The following RBFOX1 variants were observed in gnomAD, a reference collection of about 807,000 sequenced individuals.
RBFOX1 encodes RNA binding fox-1 homolog 1.
A neutral mutation model predicts 57.7 loss-of-function variants in RBFOX1; 8 were observed. The observed-to-expected ratio is 0.14, with a 90% CI of 0.08 to 0.25. RBFOX1 has a LOEUF of 0.25. Among genes scored for constraint, RBFOX1 ranks in the 10% least tolerant of loss-of-function variants. The probability of loss-of-function intolerance (pLI) is 1.00; values close to 1 mark genes in which losing one functional copy is unlikely to be tolerated. For synonymous variants in RBFOX1, 326 were observed against 222.4 expected (o/e 1.47, Z -4.15); for missense variants, 611 against 548.5 (o/e 1.11, Z -1.14).
chr16:5,455,841 A>G (rs946891956), intron 1 of RBFOX1, among the ~76,000 whole-genome samples: 9 of 152,164 alleles, frequency 5.9e-5, no homozygotes, highest in Non-Finnish European at 8.8e-5. Flanking sequence ...AAATTCTTGA[A>G]ATAAAGGTGA....
chr16:6,637,421 A>ACAAATATAATATAT lies in RBFOX1; in HGVS notation c.-63-17182_-63-17181insCAAATATAATATAT, dbSNP rs1263831992. ...ATTAAATATATATATTATATAATAT[A>ACAAATATAATATAT]TAAATATATTATATAAATATATGTA... On this transcript the variant is annotated intron_variant, in intron 2 of 15. Coordinates refer to ENST00000550418, the MANE Select transcript of RBFOX1 (RefSeq NM_018723.4). Among the ~76,000 whole-genome samples the ACAAATATAATATAT allele has an allele frequency of 1.7e-4, 2 of 11,602 alleles. 1 individual carries two copies. The highest frequency in any genetic ancestry group is 2.5e-4 in the African/African-American group (2 of 8,094). The allele number at this position is 11,602 out of a possible 152,430, so 7.6% of individuals were successfully genotyped here.
At chr16:7,648,454 A>C (rs2144264079) in intron 11 of RBFOX1, among the ~76,000 whole-genome samples, 1 of 152,208 alleles carries the variant, frequency 6.6e-6, no homozygotes. Context: ...TGATCTCTTG[A>C]CCTTGTGATC....
chr16:5,901,649 T>A (rs1441870580), intron 4 of RBFOX1, among the ~76,000 whole-genome samples: 1 of 151,992 alleles, frequency 6.6e-6, no homozygotes. Flanking sequence ...TATTGGAGAG[T>A]AAGGATATAG....
intron 4 of RBFOX1, among the ~76,000 whole-genome samples, chr16:7,348,325 T>G (rs749951320): frequency 2.0e-5 from 3 of 152,232 alleles, no homozygotes; most frequent in Non-Finnish European, 4.4e-5. Flanking sequence ...TCTCATCGTA[T>G]TCACAAAGAT....
chr16:5,665,230 C>T (rs930741046), intron 3 of RBFOX1, among the ~76,000 whole-genome samples: 2 of 151,924 alleles, frequency 1.3e-5, no homozygotes, highest in African/African-American at 4.8e-5. Context: ...GGACTACAGG[C>T]AGGAGCCACT....
Position 6,512,275 on chromosome 16 carries a change from C to A in RBFOX1, c.-63-142328C>A, listed in dbSNP as rs185923838. Among the ~76,000 whole-genome samples, 233 of 46,554 alleles carry A rather than the reference C, an allele frequency of 5.0e-3. 1 individual carries two copies. Among genetic ancestry groups the A allele is most frequent in the African/African-American group, 0.017 (209 of 12,462 alleles). The allele number at this position is 46,554 out of a possible 152,430, so 30.5% of individuals were successfully genotyped here. On this transcript the variant is annotated intron_variant, in intron 2 of 15. Coordinates refer to ENST00000550418, the MANE Select transcript of RBFOX1 (RefSeq NM_018723.4). ...TTCCAGCCTGGGTAACAGAGCAAGA[C>A]CCTGTATCAAAAAAAAAAAAAAAAG...
rs543676904 is a variant in RBFOX1, at chr16:5,970,073, T to A, written c.351+102738T>A. ...CACTCTACACATTGCTGCCACTGCCTCTTGGTCACGATGGGTGTCTCCTTT... is the reference window on the plus strand; with the variant it reads ...CACTCTACACATTGCTGCCACTGCCACTTGGTCACGATGGGTGTCTCCTTT... On this transcript the variant is annotated intron_variant, in intron 4 of 19. Coordinates refer to the RBFOX1 transcript ENST00000641259. Among the ~76,000 whole-genome samples, 3 of 152,256 alleles carry A rather than the reference T, an allele frequency of 2.0e-5. 1 individual carries two copies. In the South Asian group the frequency reaches 6.2e-4, roughly 32 times the overall value.
At chr16:6,102,788 A>G (rs2096329746) in intron 1 of RBFOX1, among the ~76,000 whole-genome samples, 1 of 152,110 alleles carries the variant, frequency 6.6e-6, no homozygotes, top group Non-Finnish European at 1.5e-5. Flanking sequence ...TTTTCATTTT[A>G]GAGTAGGTCC....
chr16:5,977,140 C>G (rs964378918), intron 4 of RBFOX1, among the ~76,000 whole-genome samples: 1 of 152,154 alleles, frequency 6.6e-6, no homozygotes, highest in Non-Finnish European at 1.5e-5. Flanking sequence ...CCGGAAACCA[C>G]TGGACTGGAC....
At chr16:5,240,370 G>T (rs2151054913) in intron 1 of RBFOX1, among the ~76,000 whole-genome samples, 1 of 152,302 alleles carries the variant, frequency 6.6e-6, no homozygotes, top group Admixed American at 6.5e-5. Context: ...GCCAAAAGGG[G>T]AGGGGGAGCC....
At chr16:6,322,945 C>A (rs995510613) in intron 2 of RBFOX1, among the ~76,000 whole-genome samples, 7 of 152,144 alleles carry the variant, frequency 4.6e-5, no homozygotes, top group Non-Finnish European at 7.3e-5. Flanking sequence ...CCCTGGCCAC[C>A]AACCACCCCC....
At chr16:7,640,574 G>A (rs908694280) in intron 11 of RBFOX1, among the ~76,000 whole-genome samples, 1 of 152,130 alleles carries the variant, frequency 6.6e-6, no homozygotes, top group Non-Finnish European at 1.5e-5. Flanking sequence ...ATGTTGCCCT[G>A]GGATTCCAAT....
chr16:6,875,291 G>A (rs987352106), intron 3 of RBFOX1, among the ~76,000 whole-genome samples: 7 of 152,150 alleles, frequency 4.6e-5, no homozygotes, highest in Admixed American at 6.5e-5. Context: ...AATACAACTC[G>A]TTATGGTGGG....
At chr16:7,683,595 C>T (rs543467339) in intron 14 of RBFOX1, among the ~76,000 whole-genome samples, 2 of 152,174 alleles carry the variant, frequency 1.3e-5, no homozygotes, top group African/African-American at 4.8e-5. Flanking sequence ...ACACTTTTGC[C>T]AGTGACAAGG....
chr16:6,973,232 C>G (rs1393415105), intron 3 of RBFOX1, among the ~76,000 whole-genome samples: 1 of 152,084 alleles, frequency 6.6e-6, no homozygotes, highest in African/African-American at 2.4e-5. Flanking sequence ...AGGGGTTCTT[C>G]CCCATTAATA....
rs115110965 is a variant in RBFOX1 at position 6,645,602 on chromosome 16, C to T, written c.-63-9001C>T. ...GAGAGAGAACTGCTTCTGAAAAGAA[C>T]GGACACATGAGTGCTTTGATGTCTA... On this transcript the variant is annotated intron_variant, in intron 2 of 15. Coordinates refer to ENST00000550418, the MANE Select transcript of RBFOX1 (RefSeq NM_018723.4). Among the ~76,000 whole-genome samples the T allele has an allele frequency of 8.0e-3, 1,212 of 152,208 alleles. 25 individuals carry two copies. Among genetic ancestry groups the T allele is most frequent in the African/African-American group, 0.027 (1,123 of 41,520 alleles).
Position 6,974,442 on chromosome 16 carries a change from T to A in RBFOX1, c.-15-77615T>A, listed in dbSNP as rs561999912. On this transcript the variant is annotated intron_variant, in intron 3 of 15. Coordinates refer to ENST00000550418, the MANE Select transcript of RBFOX1 (RefSeq NM_018723.4). ...TCACTGCAACTTTCGCCTCCCAGGT[T>A]CAAGGAATTATCCTGCCTCAGCCTC... Among the ~76,000 whole-genome samples the A allele has an allele frequency of 5.6e-4, 81 of 145,182 alleles. 2 individuals are homozygous for A. Among genetic ancestry groups the A allele is most frequent in the Admixed American group, 5.0e-3 (71 of 14,156 alleles).
chr16:5,615,189 C>A (rs544130469), intron 3 of RBFOX1, among the ~76,000 whole-genome samples: 2 of 152,252 alleles, frequency 1.3e-5, no homozygotes, highest in East Asian at 3.9e-4. Context: ...TGCATGCTCC[C>A]ACATCTGGCT....
At chr16:5,299,239 A>G (rs568436611) in intron 1 of RBFOX1, among the ~76,000 whole-genome samples, 4 of 152,074 alleles carry the variant, frequency 2.6e-5, no homozygotes, top group South Asian at 2.1e-4. Context: ...TTAAAAATCA[A>G]TCCATACTGT....
Sources: gnomAD v4.1 joint callset for allele counts (sites outside exome capture counted in the v4.1 genomes callset) on GRCh38, gnomAD v4.1.1 for gene constraint, MANE v1.5 for transcripts, NCBI Gene and HGNC (gene_info 2026-07-23, HGNC 2026-07-21) for gene names.